DIP2C: variants seen among roughly 807,000 people sequenced by gnomAD.
The protein encoded by DIP2C is disco-interacting protein 2 homolog C.
Under a neutral mutation model 192.4 loss-of-function variants are expected in DIP2C, and 33 were observed. The ratio of observed to expected loss-of-function variants is 0.17; its 90% CI spans 0.13 to 0.23. DIP2C has a LOEUF of 0.23. Ranked by LOEUF, DIP2C falls within the 10% of genes least tolerant of loss-of-function variation. The pLI is 1.00. For synonymous variants in DIP2C, 979 were observed against 864.1 expected (o/e 1.13, Z -2.33); for missense variants, 1,537 against 2,110.1 (o/e 0.73, Z 5.32).
At chr10:519,540 G>T (rs1277309705) in intron 1 of DIP2C, among the ~76,000 whole-genome samples, 1 of 152,128 alleles carries the variant, frequency 6.6e-6, no homozygotes, top group African/African-American at 2.4e-5. Flanking sequence ...AAATCAGGAC[G>T]TGCACAGGCC....
At chr10:356,792 G>A (rs1052301338) in intron 23 of DIP2C, among the ~76,000 whole-genome samples, 1 of 152,226 alleles carries the variant, frequency 6.6e-6, no homozygotes, top group African/African-American at 2.4e-5. Context: ...CCTGGTGTGA[G>A]AAGTTTTCTG....
intron 36 of DIP2C, among the ~76,000 whole-genome samples, chr10:278,809 T>C (rs1485935859): frequency 2.6e-5 from 4 of 152,204 alleles, no homozygotes; most frequent in Non-Finnish European, 5.9e-5. Context: ...CTTTTGGAAC[T>C]AACTGTTTAA....
intron 1 of DIP2C, among the ~76,000 whole-genome samples, chr10:607,332 G>A (rs1352781617): frequency 6.7e-6 from 1 of 148,284 alleles, no homozygotes; most frequent in Admixed American, 6.6e-5. Context: ...AACCCACTGG[G>A]CTAAGAAGGC....
chr10:338,943 C>T (rs1958010507), intron 29 of DIP2C, among the ~76,000 whole-genome samples: 1 of 150,506 alleles, frequency 6.6e-6, no homozygotes, highest in African/African-American at 2.4e-5. Context: ...TGCCTGGCTC[C>T]CACAATGCAC....
chr10:672,720 C>G (rs887139233), intron 1 of DIP2C, among the ~76,000 whole-genome samples: 1 of 152,210 alleles, frequency 6.6e-6, no homozygotes, highest in African/African-American at 2.4e-5. Context: ...ATTCCTGGAA[C>G]TCATTTAGAA....
At chr10:391,220 TAGAGA>T (rs1963431099) in intron 10 of DIP2C, among the ~76,000 whole-genome samples, 2 of 152,170 alleles carry the variant, frequency 1.3e-5, no homozygotes, top group Non-Finnish European at 2.9e-5. Flanking sequence ...GCAATTACTG[TAGAGA>T]ATAGACAGGG....
intron 1 of DIP2C, among the ~76,000 whole-genome samples, chr10:656,487 C>G (rs1417010365): frequency 6.6e-6 from 1 of 152,176 alleles, no homozygotes. Flanking sequence ...TTACCCAGTG[C>G]GGTATTCAAA....
chr10:629,475 C>T (rs1588636387), intron 1 of DIP2C, among the ~76,000 whole-genome samples: 1 of 152,352 alleles, frequency 6.6e-6, no homozygotes, highest in East Asian at 1.9e-4. Context: ...CCTCAGGGCA[C>T]ACTGGGACCA....
intron 1 of DIP2C, among the ~76,000 whole-genome samples, chr10:515,987 G>C (rs1426055638): frequency 6.6e-6 from 1 of 151,858 alleles, no homozygotes; most frequent in Non-Finnish European, 1.5e-5. Flanking sequence ...GAATATGTCT[G>C]TGCTCAAACC....
Position 312,929 on chromosome 10 carries a change from T to G in DIP2C, c.3925-2837A>C, listed in dbSNP as rs1446265108. Among the ~76,000 whole-genome samples, 3 of 152,190 alleles carry G rather than the reference T, an allele frequency of 2.0e-5. No homozygotes were observed. In the East Asian group the frequency reaches 5.8e-4, roughly 29 times the overall value. On this transcript the variant is annotated intron_variant, in intron 31 of 36. Coordinates refer to ENST00000280886, the MANE Select transcript of DIP2C (RefSeq NM_014974.3). ...TATCCTAGTTCAGAAATTGTTATAA[T>G]GGGTCAAGGTGGTATCTCAGGAAAA... is the stretch of plus-strand genomic sequence containing the variant.
chr10:664,264 AACGTTCACAAG>A (rs1323610969), intron 1 of DIP2C: 1 of 152,258 alleles, frequency 6.6e-6, no homozygotes, highest in Non-Finnish European at 1.5e-5. Context: ...GCAATCGATA[AACGTTCACAAG>A]ACACAACACG....
intron 1 of DIP2C, among the ~76,000 whole-genome samples, chr10:542,462 C>A (rs1848052013): frequency 1.3e-5 from 2 of 152,338 alleles, no homozygotes; most frequent in South Asian, 4.1e-4. Context: ...GACCCACCAG[C>A]AGGACTGCCA....
In DIP2C at chr10:547,155, G is replaced by A. The variant is rs577186916; in HGVS notation, c.86-60625C>T. 1.1e-4 allele frequency among the ~76,000 whole-genome samples: 16 copies of A among 152,278 alleles called. No homozygotes were observed. The South Asian group carries it at 2.9e-3, about 28-fold the overall frequency. Reference sequence around the variant, plus strand: ...ATTCAGAACATTCCAGAGGGAACCCGGAATCCCGGTGCTGCAGCGGGACTG... The same window carrying A: ...ATTCAGAACATTCCAGAGGGAACCCAGAATCCCGGTGCTGCAGCGGGACTG... On this transcript the variant is annotated intron_variant, in intron 1 of 36. Transcript: ENST00000280886.
intron 10 of DIP2C, among the ~76,000 whole-genome samples, chr10:393,230 T>G (rs1311771928): frequency 6.6e-6 from 1 of 152,208 alleles, no homozygotes; most frequent in Non-Finnish European, 1.5e-5. Context: ...CGAAGACACT[T>G]CTAGCGGCTG....
intron 6 of DIP2C, among the ~76,000 whole-genome samples, chr10:417,419 C>T (rs1965716429): frequency 7.7e-6 from 1 of 130,072 alleles, no homozygotes; most frequent in South Asian, 3.0e-4. Context: ...CAAAAATGGC[C>T]AATTTAGTAA....
intron 1 of DIP2C, among the ~76,000 whole-genome samples, chr10:517,449 G>C (rs1237681616): frequency 6.6e-6 from 1 of 152,118 alleles, no homozygotes; most frequent in Non-Finnish European, 1.5e-5. Context: ...GCCCCACACT[G>C]TCCTGGTGTC....
In DIP2C at chr10:574,968, G is replaced by A. The variant is rs1266311691; in HGVS notation, c.86-88438C>T. On this transcript the variant is annotated intron_variant, in intron 1 of 36. Transcript: ENST00000280886. ...AGATTCTCAGGTTCACCTTCCACGA[G>A]TGACTGCTCTGCCCACGAGACAGCA... Among the ~76,000 whole-genome samples the A allele has an allele frequency of 2.6e-5, 4 of 152,146 alleles. No individual in the cohort carries two copies. In the East Asian group the frequency reaches 5.8e-4, roughly 22 times the overall value.
At chr10:453,314 CAG>C (rs1969005001) in intron 3 of DIP2C, among the ~76,000 whole-genome samples, 1 of 152,132 alleles carries the variant, frequency 6.6e-6, no homozygotes, top group South Asian at 2.1e-4. Context: ...CAATGAGAAA[CAG>C]AAATCTCTCG....
intron 1 of DIP2C, among the ~76,000 whole-genome samples, chr10:491,821 G>C (rs1408352058): frequency 6.6e-6 from 1 of 152,200 alleles, no homozygotes; most frequent in East Asian, 1.9e-4. Context: ...CAAGTTGATG[G>C]GAGGACTCAT....
Sources: gnomAD v4.1 joint callset for allele counts (sites outside exome capture counted in the v4.1 genomes callset) on GRCh38, gnomAD v4.1.1 for gene constraint, MANE v1.5 for transcripts, NCBI Gene and HGNC (gene_info 2026-07-23, HGNC 2026-07-21) for gene names.